Variants in NLRC4 observed in about 807,000 individuals in gnomAD.
NLRC4 encodes the protein NLR family CARD domain containing 4, also known as NLR family CARD domain-containing protein 4.
A neutral mutation model predicts 79.9 loss-of-function variants in NLRC4; 63 were observed. That is an observed-to-expected ratio of 0.79 (90% CI 0.64 to 0.97). The LOEUF is 0.97. Among genes scored for constraint, NLRC4 ranks in the 50% least tolerant of loss-of-function variants. NLRC4 has a pLI of 0.00. For synonymous variants in NLRC4, 461 were observed against 456.5 expected (o/e 1.01, Z -0.12); for missense variants, 1,074 against 1,215.2 (o/e 0.88, Z 1.73).
intron 2 of NLRC4, among the ~76,000 whole-genome samples, chr2:32,253,338 C>CG (rs1397125678): frequency 6.6e-6 from 1 of 151,800 alleles, no homozygotes; most frequent in East Asian, 2.0e-4. Flanking sequence ...TTTGTAGAGA[C>CG]GGGGTTTCAC....
chr2:32,252,279 C>T lies in NLRC4; in HGVS notation c.262+140G>A, dbSNP rs575040371. The stretch of plus-strand genomic sequence containing the variant: ...TGAGTTTTTCCTAAAATCATCTAAG[C>T]TTTTCCTTAGCAGGTATCAAAGGCC... On this transcript the variant is annotated intron_variant, in intron 3 of 8. Coordinates refer to ENST00000402280, the MANE Select transcript of NLRC4 (RefSeq NM_001199138.2). The T allele has an allele frequency of 2.8e-5, 19 of 666,760 alleles. No individual in the cohort carries two copies. The South Asian group carries it at 3.4e-4, about 12-fold the overall frequency. The allele number at this position is 666,760 out of a possible 1,614,324, so 41.3% of individuals were successfully genotyped here. A position where few individuals can be genotyped will look rare whatever the true frequency, so the allele number is the denominator to read the frequency against.
rs1686322196 is a variant in NLRC4, at chr2:32,224,611, A to G, written c.2937T>C (p.Pro979=). ...TAAGTTTTCTGACTAATGCTGGATC[A>G]GGTAGAAATTCTTTAGTACTAAAGT... ...FFDFSTKEFL[P]DPALVRKLSQ... The change falls in exon 9 of 9, where the codon CCT becomes CCC. Residue 979 remains proline (P), a synonymous_variant. Coordinates refer to ENST00000402280, the MANE Select transcript of NLRC4 (RefSeq NM_001199138.2). 1 of 1,613,948 alleles carries G rather than the reference A, an allele frequency of 6.2e-7. No individual in the cohort carries two copies.
At chr2:32,247,342 T>C (rs1686961747) in intron 4 of NLRC4, among the ~76,000 whole-genome samples, 1 of 150,056 alleles carries the variant, frequency 6.7e-6, no homozygotes, top group African/African-American at 2.4e-5. Flanking sequence ...TAGACAGAGT[T>C]TCACTCTTGT....
intron 4 of NLRC4, among the ~76,000 whole-genome samples, chr2:32,247,050 G>A (rs890163757): frequency 6.6e-6 from 1 of 152,178 alleles, no homozygotes; most frequent in Non-Finnish European, 1.5e-5. Flanking sequence ...GAGTCACCTG[G>A]CCTGGCCCCA....
chr2:32,250,128 A>G lies in NLRC4; in HGVS notation c.1736T>C (p.Phe579Ser), dbSNP rs147110662. 1 of 1,614,162 alleles carries G rather than the reference A, an allele frequency of 6.2e-7. No homozygotes were observed. Among genetic ancestry groups the G allele is most frequent in the African/African-American group, 1.3e-5 (1 of 75,052 alleles). Residue 579 changes from phenylalanine to serine, a missense_variant, in exon 4 of 9, where the codon TTT becomes TCT. Transcript: ENST00000402280. This position sits in a 1 kb window ranked among gnomAD's most constrained non-coding sequence, Gnocchi z 4.9. ...GTTGATATATAAGCTTTTACCTTGA[A>G]AGAAAGCTTCAAATTCTTGGCTCAG... Reference protein sequence around the residue: ...SALSQEFEAFFQGKSLYINSG... With the variant: ...SALSQEFEAFSQGKSLYINSG...
At chr2:32,230,372 G>A (rs529064116) in intron 8 of NLRC4, among the ~76,000 whole-genome samples, 83 of 152,192 alleles carry the variant, frequency 5.5e-4, no homozygotes, top group Admixed American at 9.8e-4. Flanking sequence ...CTCCCAGGCC[G>A]GAGTGCAGTG....
intron 1 of NLRC4, among the ~76,000 whole-genome samples, chr2:32,263,466 C>G (rs1179699957): frequency 6.6e-6 from 1 of 152,208 alleles, no homozygotes; most frequent in African/African-American, 2.4e-5. Flanking sequence ...TAGGCTTCAG[C>G]AATCTCACAT....
intron 5 of NLRC4, among the ~76,000 whole-genome samples, chr2:32,240,711 A>G (rs1335679037): frequency 6.6e-6 from 1 of 152,158 alleles, no homozygotes; most frequent in African/African-American, 2.4e-5. Context: ...TTTCTATGCA[A>G]CTATGAAACT....
chr2:32,264,300 G>A (rs1021629499), intron 1 of NLRC4, among the ~76,000 whole-genome samples: 3 of 151,918 alleles, frequency 2.0e-5, no homozygotes, highest in African/African-American at 7.3e-5. Context: ...GGGGCGCGGT[G>A]CCGGGTGCCT....
chr2:32,250,352 A>C lies in NLRC4; in HGVS notation c.1512T>G (p.Ala504=). 1 of 1,614,196 alleles carries C rather than the reference A, an allele frequency of 6.2e-7. No homozygotes were observed. The highest frequency in any genetic ancestry group is 8.5e-7 in the Non-Finnish European group (1 of 1,180,038). Residue 504 remains alanine, a synonymous_variant, in exon 4 of 9, where the codon GCT becomes GCG. Coordinates refer to ENST00000402280, the MANE Select transcript of NLRC4 (RefSeq NM_001199138.2). This position sits in a 1 kb window ranked among gnomAD's most constrained non-coding sequence, Gnocchi z 4.9. The part of the protein sequence containing the change: ...TCGSSVEATR[A]VMKHLAAVYQ... The stretch of plus-strand genomic sequence containing the variant: ...ACACTGCTGCGAGGTGCTTCATAAC[A>C]GCCCTGGTGGCTTCCACAGATGACC...
At chr2:32,260,296 T>C (rs1433369072) in intron 1 of NLRC4, among the ~76,000 whole-genome samples, 2 of 151,678 alleles carry the variant, frequency 1.3e-5, no homozygotes, top group African/African-American at 2.4e-5. Context: ...TGGGTTGTTT[T>C]CAGATTGGGG....
chr2:32,254,816 C>A (rs1390045278), intron 2 of NLRC4, among the ~76,000 whole-genome samples: 1 of 151,722 alleles, frequency 6.6e-6, no homozygotes, highest in Admixed American at 6.6e-5. Context: ...TGAGATTTCT[C>A]TATGTTGGTC....
chr2:32,243,254 C>CA (rs1429389841), intron 4 of NLRC4, among the ~76,000 whole-genome samples: 4 of 149,852 alleles, frequency 2.7e-5, no homozygotes, highest in African/African-American at 9.9e-5. Flanking sequence ...ACTAAAAATA[C>CA]AAAAAATCAG....
At position 32,249,996 on chromosome 2, in the gene NLRC4, G is replaced by T; in HGVS notation, c.1868C>A (p.Ser623Ter). 1.9e-6 allele frequency: 3 copies of T among 1,614,204 alleles called. No individual in the cohort carries two copies. Among genetic ancestry groups the T allele is most frequent in the Non-Finnish European group, 1.7e-6 (2 of 1,180,052 alleles). ...KLDFYGGAMA[S>*]WEKAAEDTGG... ...TGTGTCTTCTGCAGCCTTTTCCCAT[G>T]AAGCCATAGCTCCCCCATAAAAGTC... Residue 623 changes from serine (S) to a stop codon, truncating the protein, a stop_gained, in exon 4 of 9, where the codon TCA becomes TAA. Transcript: ENST00000402280. LOFTEE classifies it high-confidence loss of function.
chr2:32,258,207 T>G (rs905043090), intron 1 of NLRC4, among the ~76,000 whole-genome samples: 9 of 152,208 alleles, frequency 5.9e-5, no homozygotes, highest in African/African-American at 1.9e-4. Flanking sequence ...GTGGATGGCC[T>G]GCTGGCGTGC....
At chr2:32,240,694 A>G (rs1214483068) in intron 5 of NLRC4, among the ~76,000 whole-genome samples, 1 of 152,160 alleles carries the variant, frequency 6.6e-6, no homozygotes, top group Non-Finnish European at 1.5e-5. Context: ...TAAACTTTAA[A>G]ATATTGTTTC....
chr2:32,235,939 T>A (rs1007119946), intron 7 of NLRC4, among the ~76,000 whole-genome samples: 1 of 152,138 alleles, frequency 6.6e-6, no homozygotes, highest in Non-Finnish European at 1.5e-5. Context: ...ACCTAAAAAA[T>A]CATATCACCA....
At position 32,252,549 on chromosome 2, in the gene NLRC4, C is replaced by A; in HGVS notation, c.132G>T (p.Glu44Asp). The change falls in exon 3 of 9, where the codon GAG becomes GAT. Residue 44 changes from glutamate (E) to aspartate (D), a missense_variant. Coordinates refer to ENST00000402280, the MANE Select transcript of NLRC4 (RefSeq NM_001199138.2). ...CTCTAGCAGCATCCTGCTCCACCTT[C>A]TCGCAGCAAATGATGTTTACTTCTT... ...NREEVNIICC[E>D]KVEQDAARGI... The A allele has an allele frequency of 6.2e-7, 1 of 1,614,218 alleles. No homozygotes were observed.
chr2:32,254,898 A>G (rs62134033), intron 2 of NLRC4, among the ~76,000 whole-genome samples: 92,495 of 151,422 alleles, frequency 0.61, 28,766 homozygotes, highest in Non-Finnish European at 0.63. Flanking sequence ...GATTACAGGC[A>G]TGAGCCACCG....
Sources: gnomAD v4.1 joint callset for allele counts (sites outside exome capture counted in the v4.1 genomes callset) on GRCh38, gnomAD v4.1.1 for gene constraint, Gnocchi (gnomAD v3.1) non-coding constraint, MANE v1.5 for transcripts, NCBI Gene and HGNC (gene_info 2026-07-23, HGNC 2026-07-21) for gene names.